RSRC1: variants seen among roughly 807,000 people sequenced by gnomAD.
RSRC1 encodes serine/Arginine-related protein 53.
A neutral mutation model predicts 49.1 loss-of-function variants in RSRC1; 39 were observed. The observed-to-expected ratio is 0.79, with a 90% CI of 0.61 to 1.04. The LOEUF is 1.04. Among genes scored for constraint, RSRC1 ranks in the 50% least tolerant of loss-of-function variants. The pLI is 0.00. For missense variants in RSRC1, 388 were observed against 402.4 expected (o/e 0.96, Z 0.31); for synonymous variants, 143 against 130.8 (o/e 1.09, Z -0.63).
At chr3:158,389,308 A>C (rs7426603) in intron 6 of RSRC1, among the ~76,000 whole-genome samples, 7 of 151,980 alleles carry the variant, frequency 4.6e-5, no homozygotes, top group Middle Eastern at 3.2e-3. Flanking sequence ...TTGTAAAATA[A>C]CTTAACTGTT....
chr3:158,311,076 A>G (rs1728094873), intron 5 of RSRC1, among the ~76,000 whole-genome samples: 1 of 152,016 alleles, frequency 6.6e-6, no homozygotes, highest in South Asian at 2.1e-4. Context: ...TCAGTCATTG[A>G]TATGTCATTG....
intron 3 of RSRC1, among the ~76,000 whole-genome samples, chr3:158,198,656 C>T (rs1038354063): frequency 5.9e-5 from 9 of 152,010 alleles, no homozygotes; most frequent in Non-Finnish European, 2.9e-5. Context: ...TTTAGTGCTT[C>T]CTTCACCCAC....
intron 1 of RSRC1, among the ~76,000 whole-genome samples, chr3:158,115,495 T>C (rs1443353699): frequency 2.0e-5 from 3 of 152,166 alleles, no homozygotes; most frequent in Non-Finnish European, 4.4e-5. Flanking sequence ...AGGACTCCAA[T>C]AACATTTATT....
At chr3:158,423,454 G>C (rs1735200581) in intron 6 of RSRC1, among the ~76,000 whole-genome samples, 1 of 152,158 alleles carries the variant, frequency 6.6e-6, no homozygotes, top group African/African-American at 2.4e-5. Flanking sequence ...TTTGGTACCA[G>C]TACCATGCTG....
intron 5 of RSRC1, among the ~76,000 whole-genome samples, chr3:158,344,559 A>G (rs887801206): frequency 2.6e-5 from 4 of 152,224 alleles, no homozygotes; most frequent in Non-Finnish European, 5.9e-5. Context: ...TTAAAAAGAC[A>G]TACAAAAACT....
chr3:158,286,486 G>C (rs1726569408), intron 4 of RSRC1, among the ~76,000 whole-genome samples: 1 of 152,154 alleles, frequency 6.6e-6, no homozygotes. Flanking sequence ...TGGAATCTCT[G>C]AGAAGGTCAG....
At chr3:158,381,355 T>C (rs1235748444) in intron 6 of RSRC1, among the ~76,000 whole-genome samples, 1 of 152,222 alleles carries the variant, frequency 6.6e-6, no homozygotes, top group Non-Finnish European at 1.5e-5. Context: ...TCAAATGCCA[T>C]GTGACACTAA....
intron 7 of RSRC1, among the ~76,000 whole-genome samples, chr3:158,476,985 A>G (rs563653094): frequency 2.1e-4 from 32 of 152,308 alleles, no homozygotes; most frequent in African/African-American, 7.7e-4. Context: ...CTCATGGATA[A>G]CTTCGAGGGG....
chr3:158,483,658 G>C (rs1738703793), intron 7 of RSRC1, among the ~76,000 whole-genome samples: 1 of 151,920 alleles, frequency 6.6e-6, no homozygotes, highest in Non-Finnish European at 1.5e-5. Flanking sequence ...ATGTTTATAG[G>C]TATTTATAGA....
chr3:158,144,545 T>G (rs1716959043), intron 3 of RSRC1, among the ~76,000 whole-genome samples: 3 of 152,194 alleles, frequency 2.0e-5, no homozygotes, highest in African/African-American at 7.2e-5. Context: ...TGATGGACAT[T>G]TGGGTTGGTT....
intron 6 of RSRC1, among the ~76,000 whole-genome samples, chr3:158,393,151 G>T (rs1733412187): frequency 1.3e-5 from 2 of 152,104 alleles, no homozygotes; most frequent in South Asian, 4.2e-4. Context: ...CAGAATCTCT[G>T]GGACATAGCT....
intron 7 of RSRC1, among the ~76,000 whole-genome samples, chr3:158,525,668 C>T (rs1711971263): frequency 6.6e-6 from 1 of 151,938 alleles, no homozygotes; most frequent in Non-Finnish European, 1.5e-5. Context: ...TGTTCATCTG[C>T]AGGTGAATAG....
chr3:158,155,725 G>A (rs1717836899), intron 3 of RSRC1, among the ~76,000 whole-genome samples: 1 of 151,280 alleles, frequency 6.6e-6, no homozygotes, highest in Non-Finnish European at 1.5e-5. Flanking sequence ...TTACAGGCAT[G>A]AGCCACCACA....
intron 5 of RSRC1, among the ~76,000 whole-genome samples, chr3:158,326,915 T>C (rs913925075): frequency 2.3e-4 from 35 of 152,208 alleles, no homozygotes; most frequent in African/African-American, 7.7e-4. Context: ...GAGCCTGTTA[T>C]TGGTCTATTC....
chr3:158,366,159 C>G (rs1462109263), intron 6 of RSRC1, among the ~76,000 whole-genome samples: 1 of 152,148 alleles, frequency 6.6e-6, no homozygotes, highest in Non-Finnish European at 1.5e-5. Context: ...AATTAGATCT[C>G]ATTTGTCTAT....
At chr3:158,377,202 T>G (rs974596669) in intron 6 of RSRC1, among the ~76,000 whole-genome samples, 2 of 152,232 alleles carry the variant, frequency 1.3e-5, no homozygotes, top group Admixed American at 1.3e-4. Flanking sequence ...TGCCCTTAAA[T>G]TTGGGAAATT....
At chr3:158,260,281 T>C (rs1344472627) in intron 4 of RSRC1, among the ~76,000 whole-genome samples, 1 of 152,110 alleles carries the variant, frequency 6.6e-6, no homozygotes, top group Non-Finnish European at 1.5e-5. Context: ...AGTTGATGAA[T>C]CTTGCCAGGA....
At chr3:158,200,051 T>C (rs908282424) in intron 3 of RSRC1, among the ~76,000 whole-genome samples, 1 of 152,172 alleles carries the variant, frequency 6.6e-6, no homozygotes, top group African/African-American at 2.4e-5. Flanking sequence ...ATTTACTTTT[T>C]TTTTGAGACG....
At chr3:158,151,137 G>T (rs1322144020) in intron 3 of RSRC1, among the ~76,000 whole-genome samples, 1 of 152,168 alleles carries the variant, frequency 6.6e-6, no homozygotes, top group South Asian at 2.1e-4. Flanking sequence ...AGATTAACAA[G>T]AGAGAAGCAT....
Sources: gnomAD v4.1 joint callset for allele counts (sites outside exome capture counted in the v4.1 genomes callset) on GRCh38, gnomAD v4.1.1 for gene constraint, MANE v1.5 for transcripts, NCBI Gene and HGNC (gene_info 2026-07-23, HGNC 2026-07-21) for gene names.